LRP1B: variants seen among roughly 807,000 people sequenced by gnomAD.
The protein encoded by LRP1B is low-density lipoprotein receptor-related protein 1B.
In LRP1B, 217 loss-of-function variants were observed where a neutral mutation model predicts 556.6. The observed-to-expected ratio is 0.39, with a 90% CI of 0.35 to 0.44. The LOEUF (loss-of-function observed/expected upper bound fraction) is 0.44. LRP1B is among the 20% of genes least tolerant of loss of function. The pLI, the probability that LRP1B is intolerant of heterozygous loss-of-function variation, is 1.00. For synonymous variants in LRP1B, 2,047 were observed against 1,865.8 expected (o/e 1.10, Z -2.50); for missense variants, 5,053 against 5,620.8 (o/e 0.90, Z 3.23).
At position 141,821,633 on chromosome 2, in the gene LRP1B, T is replaced by A. The variant is rs553376834; in HGVS notation, c.83-11232A>T. On this transcript the variant is annotated intron_variant, in intron 1 of 90. Transcript: ENST00000389484. ...TACAAGTGTGTATACATGTTTTTAT[T>A]CTTGGGAGATGGAAAAATACAAAAA... 4.3e-3 allele frequency among the ~76,000 whole-genome samples: 654 copies of A among 152,320 alleles called. 1 individual carries two copies. Among genetic ancestry groups the A allele is most frequent in the Non-Finnish European group, 6.9e-3 (466 of 68,014 alleles).
At chr2:141,739,378 A>G (rs1326392581) in intron 2 of LRP1B, among the ~76,000 whole-genome samples, 1 of 152,164 alleles carries the variant, frequency 6.6e-6, no homozygotes, top group Non-Finnish European at 1.5e-5. Context: ...AAATAAGCAC[A>G]CAAAGATACA....
chr2:141,302,223 T>A lies in LRP1B; in HGVS notation c.344-47582A>T, dbSNP rs1163692766. On this transcript the variant is annotated intron_variant, in intron 3 of 90. Transcript: ENST00000389484. ...TAAATATCTGGTATTTGAAATAGAA[T>A]AAATATATAAATAATAGCAATACAA... Among the ~76,000 whole-genome samples the A allele has an allele frequency of 3.9e-5, 6 of 152,048 alleles. No homozygotes were observed. The East Asian group carries it at 1.2e-3, about 29-fold the overall frequency.
At chr2:141,196,470 A>AT (rs575355194) in intron 6 of LRP1B, among the ~76,000 whole-genome samples, 6 of 152,034 alleles carry the variant, frequency 3.9e-5, no homozygotes, top group Admixed American at 3.9e-4. Flanking sequence ...CCACAATCTA[A>AT]TTTTCAGTTA....
intron 2 of LRP1B, among the ~76,000 whole-genome samples, chr2:141,522,233 C>T (rs983522602): frequency 1.3e-5 from 2 of 152,120 alleles, no homozygotes; most frequent in African/African-American, 2.4e-5. Flanking sequence ...TTTGCACACT[C>T]AAGTCTGAGA....
At chr2:141,467,845 G>GGGGC (rs1553518606) in intron 3 of LRP1B, among the ~76,000 whole-genome samples, 2 of 127,364 alleles carry the variant, frequency 1.6e-5, no homozygotes, top group Admixed American at 8.7e-5. Flanking sequence ...GGACCGGGGG[G>GGGGC]GGGGGAATTC....
chr2:141,726,334 T>C (rs1693034059), intron 2 of LRP1B, among the ~76,000 whole-genome samples: 3 of 151,776 alleles, frequency 2.0e-5, no homozygotes, highest in Admixed American at 6.6e-5. Flanking sequence ...AAAAATTATT[T>C]TGATTTTCCA....
chr2:140,462,736 C>A (rs1191935367), intron 60 of LRP1B, among the ~76,000 whole-genome samples: 2 of 152,174 alleles, frequency 1.3e-5, no homozygotes, highest in South Asian at 4.1e-4. Context: ...AGAACTCCCA[C>A]TAACTAATAT....
chr2:140,280,053 G>A (rs1001038445), intron 84 of LRP1B, among the ~76,000 whole-genome samples: 1 of 151,672 alleles, frequency 6.6e-6, no homozygotes, highest in South Asian at 2.1e-4. Context: ...TTTCACTTTT[G>A]CTAAGTGAAA....
At chr2:141,304,332 T>G (rs1260125564) in intron 3 of LRP1B, among the ~76,000 whole-genome samples, 1 of 152,100 alleles carries the variant, frequency 6.6e-6, no homozygotes, top group Non-Finnish European at 1.5e-5. Context: ...TCATAAAATA[T>G]TTGCCTAGAT....
intron 66 of LRP1B, among the ~76,000 whole-genome samples, chr2:140,439,729 A>G (rs1686341173): frequency 6.6e-6 from 1 of 152,076 alleles, no homozygotes; most frequent in South Asian, 2.1e-4. Flanking sequence ...TTTAATTTAC[A>G]TCTATTCAAA....
intron 7 of LRP1B, among the ~76,000 whole-genome samples, chr2:141,085,005 AT>A (rs1407215362): frequency 2.6e-5 from 4 of 151,952 alleles, no homozygotes; most frequent in Non-Finnish European, 4.4e-5. Context: ...TGTTTCTTGC[AT>A]TTTCCCCCCA....
intron 2 of LRP1B, among the ~76,000 whole-genome samples, chr2:141,524,832 T>C (rs1684642026): frequency 1.3e-5 from 2 of 150,510 alleles, no homozygotes; most frequent in Admixed American, 6.6e-5. Flanking sequence ...GCAGAAATTA[T>C]GGCTATGCAA....
intron 81 of LRP1B, 146 bp from the exon 82 acceptor site, chr2:140,322,234 A>T: frequency 4.2e-6 from 3 of 721,930 alleles, no homozygotes; most frequent in Non-Finnish European, 6.9e-6. Context: ...TATCTCACTC[A>T]ATATCATCAT....
intron 2 of LRP1B, among the ~76,000 whole-genome samples, chr2:141,605,076 C>G (rs1687867046): frequency 1.3e-5 from 2 of 151,900 alleles, no homozygotes; most frequent in Non-Finnish European, 2.9e-5. Context: ...AGGTTCCTGG[C>G]TGGCAAAGTG....
chr2:141,343,751 CA>C (rs1271740134), intron 3 of LRP1B, among the ~76,000 whole-genome samples: 1 of 152,186 alleles, frequency 6.6e-6, no homozygotes, highest in Non-Finnish European at 1.5e-5. Flanking sequence ...CTAATCCTTA[CA>C]GGTTGCTTTT....
At chr2:140,831,778 A>C (rs1338156253) in intron 31 of LRP1B, among the ~76,000 whole-genome samples, 1 of 152,250 alleles carries the variant, frequency 6.6e-6, no homozygotes, top group African/African-American at 2.4e-5. Flanking sequence ...TCCATCTGAC[A>C]AGATATCAAT....
intron 2 of LRP1B, among the ~76,000 whole-genome samples, chr2:141,752,593 C>A (rs1005126273): frequency 1.3e-4 from 19 of 151,924 alleles, no homozygotes; most frequent in Admixed American, 1.1e-3. Context: ...ACCTGGGTAG[C>A]TTTTAAGAAC....
At chr2:140,350,606 T>A (rs1052825769) in intron 77 of LRP1B, among the ~76,000 whole-genome samples, 191 bp downstream of exon 77, 2 of 152,006 alleles carry the variant, frequency 1.3e-5, no homozygotes, top group Non-Finnish European at 2.9e-5. Flanking sequence ...CATAAAAGCA[T>A]GCAACTAAAA....
In LRP1B at chr2:141,345,994, C is replaced by T. The variant is rs1368598891; in HGVS notation, c.344-91353G>A. ...TTAGTTATATGATAGTTTTCATTTC[C>T]AAGGGCTCTTTTTTGTTTTCTAAAT... On this transcript the variant is annotated intron_variant, in intron 3 of 90. Transcript: ENST00000389484. Among the ~76,000 whole-genome samples the T allele has an allele frequency of 2.0e-5, 3 of 151,878 alleles. No homozygotes were observed. In the East Asian group the frequency reaches 5.8e-4, roughly 29 times the overall value.
Sources: gnomAD v4.1 joint callset for allele counts (sites outside exome capture counted in the v4.1 genomes callset) on GRCh38, gnomAD v4.1.1 for gene constraint, MANE v1.5 for transcripts, NCBI Gene and HGNC (gene_info 2026-07-23, HGNC 2026-07-21) for gene names.